SUGCT: variants seen among roughly 807,000 people sequenced by gnomAD.
SUGCT encodes the protein succinyl-CoA:glutarate CoA-transferase.
SUGCT carries 41 observed loss-of-function variants against 55.0 expected under a neutral mutation model. That is an observed-to-expected ratio of 0.74 (90% CI 0.58 to 0.97). The LOEUF (loss-of-function observed/expected upper bound fraction) is 0.97. SUGCT is among the 50% of genes least tolerant of loss of function. The pLI is 0.00. For missense variants in SUGCT, 568 were observed against 547.8 expected, an observed-to-expected ratio of 1.04 and a Z score of -0.37; for synonymous variants, 187 against 200.4, an observed-to-expected ratio of 0.93 and a Z score of 0.56.
chr7:40,137,289 G>A lies in SUGCT; in HGVS notation c.100+2169G>A, dbSNP rs371651630. On this transcript the variant is annotated intron_variant, in intron 1 of 13. Transcript: ENST00000335693. ...AGTACAGGCTCATGCTACCATGCCT[G>A]GCTAATTTTTTTATTTCTTTATTTT... Among the ~76,000 whole-genome samples the A allele has an allele frequency of 3.9e-4, 59 of 152,130 alleles. 1 individual carries two copies. The South Asian group carries it at 0.012, about 31-fold the overall frequency.
At position 40,826,331 on chromosome 7, in the gene SUGCT, A is replaced by ATT. The variant is rs199986715; in HGVS notation, c.1154-33977_1154-33976dup. The stretch of plus-strand genomic sequence containing the variant: ...ATTACACATAAGATTATATTTTATG[A>ATT]TTTTTTTTTCCCTGGGAGCATATGA... On this transcript the variant is annotated intron_variant, in intron 13 of 13. Transcript: ENST00000335693. 2.0e-5 allele frequency among the ~76,000 whole-genome samples: 3 copies of ATT among 151,680 alleles called. No homozygotes were observed. The South Asian group carries it at 6.3e-4, about 32-fold the overall frequency.
At chr7:40,946,343 A>T in the SUGCT span, among the ~76,000 whole-genome samples, 967 of 152,294 alleles carry the variant, frequency 6.3e-3, 11 homozygotes, top group African/African-American at 0.023. Context: ...GGGCTGAGAC[A>T]GGCAAGTCCA....
At chr7:40,308,440 T>C (rs889820851) in intron 8 of SUGCT, among the ~76,000 whole-genome samples, 11 of 152,186 alleles carry the variant, frequency 7.2e-5, no homozygotes, top group African/African-American at 2.7e-4. Context: ...CTTTATTTGC[T>C]TTCATTCATT....
At chr7:40,925,939 C>T in the SUGCT span, among the ~76,000 whole-genome samples, 6 of 151,992 alleles carry the variant, frequency 3.9e-5, no homozygotes, top group African/African-American at 1.4e-4. Flanking sequence ...ACAAAAAATC[C>T]AAGAATTATC....
At chr7:40,956,091 T>A in the SUGCT span, among the ~76,000 whole-genome samples, 5 of 152,214 alleles carry the variant, frequency 3.3e-5, no homozygotes, top group African/African-American at 1.2e-4. Context: ...GAAATTTTCT[T>A]TTTTTGTTGT....
At chr7:40,277,306 C>T (rs1215866782) in intron 8 of SUGCT, among the ~76,000 whole-genome samples, 3 of 151,960 alleles carry the variant, frequency 2.0e-5, no homozygotes, top group Non-Finnish European at 4.4e-5. Context: ...CTCAGCCTCC[C>T]GAGTAACTGG....
intron 8 of SUGCT, among the ~76,000 whole-genome samples, chr7:40,298,470 G>C (rs916989225): frequency 2.0e-5 from 3 of 152,148 alleles, no homozygotes; most frequent in African/African-American, 7.2e-5. Flanking sequence ...TTAGGACCTT[G>C]GAAGTGGTTT....
intron 9 of SUGCT, among the ~76,000 whole-genome samples, chr7:40,442,272 G>C (rs1002458222): frequency 1.3e-5 from 2 of 152,216 alleles, no homozygotes; most frequent in South Asian, 2.1e-4. Flanking sequence ...GAGGGCTCTT[G>C]GAAGGGACTG....
At chr7:40,762,266 A>C (rs1441532114) in intron 13 of SUGCT, among the ~76,000 whole-genome samples, 2 of 152,206 alleles carry the variant, frequency 1.3e-5, no homozygotes, top group African/African-American at 4.8e-5. Context: ...ATTCTGCACA[A>C]TTGTTCGTAC....
chr7:40,631,441 T>G (rs1487820449), intron 12 of SUGCT, among the ~76,000 whole-genome samples: 1 of 152,206 alleles, frequency 6.6e-6, no homozygotes, highest in Non-Finnish European at 1.5e-5. Flanking sequence ...GTTTCACCAT[T>G]CAACAAATTC....
intron 12 of SUGCT, among the ~76,000 whole-genome samples, chr7:40,671,194 A>G (rs1263651785): frequency 2.6e-5 from 4 of 152,192 alleles, no homozygotes; most frequent in Non-Finnish European, 4.4e-5. Flanking sequence ...GAGTCTTTCA[A>G]TCTGTGGGAC....
chr7:40,341,311 A>G (rs903574832), intron 9 of SUGCT, among the ~76,000 whole-genome samples: 1 of 152,216 alleles, frequency 6.6e-6, no homozygotes, highest in Non-Finnish European at 1.5e-5. Context: ...AGCAAGAAAC[A>G]ATTTGTTTAG....
the SUGCT span, among the ~76,000 whole-genome samples, chr7:40,909,682 C>G: frequency 2.0e-5 from 3 of 152,080 alleles, no homozygotes; most frequent in Non-Finnish European, 2.9e-5. Context: ...TACCTGTTTC[C>G]AGATATTTCA....
chr7:40,585,246 C>T (rs1278339716), intron 12 of SUGCT, among the ~76,000 whole-genome samples: 2 of 152,126 alleles, frequency 1.3e-5, no homozygotes, highest in African/African-American at 4.8e-5. Context: ...TGAGTCATAA[C>T]CTTGTGCCAG....
the SUGCT span, among the ~76,000 whole-genome samples, chr7:41,037,244 C>A: frequency 6.6e-6 from 1 of 151,890 alleles, no homozygotes; most frequent in Non-Finnish European, 1.5e-5. Flanking sequence ...CCTCTGAAGC[C>A]GAATCATTTC....
chr7:40,906,576 A>T, the SUGCT span, among the ~76,000 whole-genome samples: 46 of 152,236 alleles, frequency 3.0e-4, no homozygotes, highest in Non-Finnish European at 6.3e-4. Context: ...AAAACAATAG[A>T]GTATAATGAC....
At chr7:40,242,028 G>A (rs556425272) in intron 7 of SUGCT, among the ~76,000 whole-genome samples, 1 of 152,054 alleles carries the variant, frequency 6.6e-6, no homozygotes, top group South Asian at 2.1e-4. Flanking sequence ...GGTGTTGTCA[G>A]ATTAGATTAT....
At position 40,860,520 on chromosome 7, in the gene SUGCT, C is replaced by T. The variant is rs1794450549; in HGVS notation, c.*41C>T. The T allele has an allele frequency of 2.5e-6, 4 of 1,579,242 alleles. No individual in the cohort carries two copies. The African/African-American group carries it at 5.4e-5, about 21-fold the overall frequency. On this transcript the variant is annotated 3_prime_UTR_variant, in exon 14 of 14. Transcript: ENST00000335693. ...CTTCCTCATAACCTCGATCCGAATACACTGGCAAAGGCAACACTTTGCTTG... is the reference window on the plus strand; with the variant it reads ...CTTCCTCATAACCTCGATCCGAATATACTGGCAAAGGCAACACTTTGCTTG...
intron 9 of SUGCT, among the ~76,000 whole-genome samples, chr7:40,364,833 A>G (rs914142214): frequency 2.0e-5 from 3 of 152,182 alleles, no homozygotes; most frequent in Admixed American, 6.5e-5. Flanking sequence ...TACCAGAGGT[A>G]CAAGGAGGAA....
Sources: gnomAD v4.1 joint callset for allele counts (sites outside exome capture counted in the v4.1 genomes callset) on GRCh38, gnomAD v4.1.1 for gene constraint, MANE v1.5 for transcripts, NCBI Gene and HGNC (gene_info 2026-07-23, HGNC 2026-07-21) for gene names.